The following TEX11 variants were observed in gnomAD, a reference collection of about 807,000 sequenced individuals.
The protein encoded by TEX11 is testis expressed 11, also known as testis-expressed protein 11.
In TEX11, 7 loss-of-function variants were observed where a neutral mutation model predicts 84.4. The observed-to-expected ratio is 0.08, with a 90% CI of 0.05 to 0.16. TEX11 has a LOEUF of 0.16. Among genes scored for constraint, TEX11 ranks in the 10% least tolerant of loss-of-function variants. The pLI is 1.00. For synonymous variants in TEX11, 264 were observed against 222.8 expected (o/e 1.18, Z -1.64); for missense variants, 551 against 660.5 (o/e 0.83, Z 1.82).
chrX:70,651,230 C>T (rs933645621), intron 17 of TEX11, among the ~76,000 whole-genome samples: 2 of 111,833 alleles, frequency 1.8e-5, no homozygotes, highest in East Asian at 5.6e-4. Context: ...CCCGCGTTTG[C>T]CCAGTTCCTA....
At chrX:70,720,170 C>G (rs897890607) in intron 13 of TEX11, among the ~76,000 whole-genome samples, 1 of 111,798 alleles carries the variant, frequency 8.9e-6, no homozygotes, top group African/African-American at 3.3e-5. Context: ...CATATATACA[C>G]CATGGAATAT....
intron 17 of TEX11, among the ~76,000 whole-genome samples, 160 bp downstream of exon 17, chrX:70,651,290 G>A (rs1161551232): frequency 1.8e-5 from 2 of 111,354 alleles, no homozygotes; most frequent in African/African-American, 6.5e-5. Flanking sequence ...AACCTTCCAC[G>A]GTTTCTTTTT....
chrX:70,735,712 TCAA>T (rs1267747161), intron 11 of TEX11, among the ~76,000 whole-genome samples: 1 of 111,986 alleles, frequency 8.9e-6, no homozygotes, highest in African/African-American at 3.2e-5. Context: ...TTTGCAGAAA[TCAA>T]CAAGCTGATT....
At chrX:70,535,793 G>A (rs754968146) in intron 28 of TEX11, among the ~76,000 whole-genome samples, 1 of 106,841 alleles carries the variant, frequency 9.4e-6, no homozygotes, top group Admixed American at 1.0e-4. Flanking sequence ...TTTTCATAGA[G>A]ACAGAGTGTC....
intron 13 of TEX11, among the ~76,000 whole-genome samples, chrX:70,692,655 G>A (rs191817823): frequency 4.5e-4 from 49 of 108,620 alleles, no homozygotes; most frequent in Admixed American, 7.9e-4. Context: ...ATCTGTATAC[G>A]TTTGCGTGTG....
intron 8 of TEX11, among the ~76,000 whole-genome samples, chrX:70,825,278 C>T (rs925993890): frequency 1.8e-5 from 2 of 109,543 alleles, no homozygotes; most frequent in African/African-American, 6.6e-5. Flanking sequence ...TGCCACCGCA[C>T]TCCAGCCTGG....
chrX:70,640,504 A>G (rs2089640718), intron 17 of TEX11, among the ~76,000 whole-genome samples: 1 of 110,820 alleles, frequency 9.0e-6, no homozygotes, highest in African/African-American at 3.3e-5. Context: ...AAAAAATGTT[A>G]AGTGCAGCCA....
chrX:70,682,596 A>T, intron 14 of TEX11, 78 bp downstream of exon 14: 1 of 1,052,093 alleles, frequency 9.5e-7, no homozygotes, highest in South Asian at 2.1e-5. Context: ...TGACTTGAGG[A>T]TTTTGCTATT....
At position 70,629,755 on chromosome X, in the gene TEX11, T is replaced by A. The variant is rs1202302437; in HGVS notation, c.1484-20A>T. On this transcript the variant is annotated intron_variant, in intron 17 of 29. Transcript: ENST00000374333. ...GCAAAGCTGAAAAACAAGAAAAAAA[T>A]TCAAAAATGATATACTCTAATCAAA... 2.8e-6 allele frequency: 3 copies of A among 1,086,549 alleles called. No individual in the cohort carries two copies. Among genetic ancestry groups the A allele is most frequent in the Admixed American group, 5.3e-5 (2 of 38,022 alleles). The allele number at this position is 1,086,549 out of a possible 1,213,427, so 89.5% of individuals were successfully genotyped here. A position where few individuals can be genotyped will look rare whatever the true frequency, so the allele number is the denominator to read the frequency against.
chrX:70,711,729 T>C (rs2090436166), intron 13 of TEX11, among the ~76,000 whole-genome samples: 1 of 111,454 alleles, frequency 9.0e-6, no homozygotes. Context: ...TTTTCTCCCA[T>C]TTTGTAGGTT....
At chrX:70,627,321 A>C (rs1253888890) in intron 18 of TEX11, among the ~76,000 whole-genome samples, 6 of 112,439 alleles carry the variant, frequency 5.3e-5, no homozygotes, top group Admixed American at 9.4e-5. Context: ...ATAAATGAGC[A>C]TGTTCATATG....
chrX:70,570,406 G>A (rs923829336), intron 25 of TEX11, among the ~76,000 whole-genome samples: 48 of 111,965 alleles, frequency 4.3e-4, no homozygotes, highest in Non-Finnish European at 8.1e-4. Context: ...ACGGTGCGCT[G>A]CACCCACTGT....
intron 7 of TEX11, among the ~76,000 whole-genome samples, chrX:70,840,089 C>G (rs1414388641): frequency 9.0e-6 from 1 of 111,434 alleles, no homozygotes; most frequent in Non-Finnish European, 1.9e-5. Flanking sequence ...CCCCAATCTA[C>G]CAAGGCAGGC....
chrX:70,528,352 C>T (rs1161638010), downstream of TEX11, among the ~76,000 whole-genome samples: 2 of 111,629 alleles, frequency 1.8e-5, no homozygotes, highest in Non-Finnish European at 3.8e-5. Context: ...GAGTCTTGCT[C>T]TGTCACCTAG....
At chrX:70,880,150 C>T (rs2091675435) in intron 2 of TEX11, 41 bp from the exon 3 acceptor site, 3 of 1,061,870 alleles carry the variant, frequency 2.8e-6, no homozygotes, top group Non-Finnish European at 3.8e-6. Flanking sequence ...TGAACTATTA[C>T]CATTGGCTAA....
chrX:70,858,518 AG>A (rs1332659993), intron 5 of TEX11, among the ~76,000 whole-genome samples: 3 of 110,317 alleles, frequency 2.7e-5, no homozygotes, highest in Non-Finnish European at 5.7e-5. Flanking sequence ...TGGAAAAAAT[AG>A]AAAATAAATA....
intron 2 of TEX11, among the ~76,000 whole-genome samples, chrX:70,900,108 TTGCAATGAGCCGAGATGG>T (rs1053139083): frequency 9.9e-6 from 1 of 101,183 alleles, no homozygotes; most frequent in Non-Finnish European, 2.0e-5. Flanking sequence ...GAGGCAGAGG[TTGCAATGAGCCGAGATGG>T]TGCAACTGCA....
chrX:70,705,565 C>T, intron 13 of TEX11, among the ~76,000 whole-genome samples: 1 of 111,396 alleles, frequency 9.0e-6, no homozygotes, highest in Non-Finnish European at 1.9e-5. Flanking sequence ...ACTCATCTGA[C>T]AAAGGGCTAA....
At chrX:70,831,312 G>A (rs190365085) in intron 8 of TEX11, among the ~76,000 whole-genome samples, 1 of 111,355 alleles carries the variant, frequency 9.0e-6, no homozygotes, top group Admixed American at 9.6e-5. Flanking sequence ...GTTGGGGAAT[G>A]GATGAGGAGA....
Sources: gnomAD v4.1 joint callset for allele counts (sites outside exome capture counted in the v4.1 genomes callset) on GRCh38, gnomAD v4.1.1 for gene constraint, MANE v1.5 for transcripts, NCBI Gene and HGNC (gene_info 2026-07-23, HGNC 2026-07-21) for gene names.